Variants in VPS13A observed in about 807,000 individuals in gnomAD.
VPS13A encodes intermembrane lipid transfer protein VPS13A.
VPS13A carries 264 observed loss-of-function variants against 390.9 expected under a neutral mutation model. That is an observed-to-expected ratio of 0.68 (90% CI 0.61 to 0.75). The LOEUF (loss-of-function observed/expected upper bound fraction) is 0.75. Among genes scored for constraint, VPS13A ranks in the 30% least tolerant of loss-of-function variants. The pLI is 0.00. For synonymous variants in VPS13A, 1,231 were observed against 1,227.1 expected (o/e 1.00, Z -0.07); for missense variants, 3,409 against 3,733.9 (o/e 0.91, Z 2.27).
Position 77,275,603 on chromosome 9 carries a change from A to C in VPS13A, c.2618A>C (p.Asp873Ala), listed in dbSNP as rs757097723. ...SIRTRKLQKQ[D>A]CSVNMTTFKI... ...CGAACCAGAAAGTTACAAAAGCAGGATTGTTCAGTAAATATGACTACATTT... is the reference window on the plus strand; with the variant it reads ...CGAACCAGAAAGTTACAAAAGCAGGCTTGTTCAGTAAATATGACTACATTT... Residue 873 changes from aspartate (D) to alanine (A), a missense_variant, in exon 25 of 72, where the codon GAT becomes GCT. Around this residue, in one of 5 missense-constraint regions of VPS13A, gnomAD observed 2,717 missense variants for 2,917.4 expected, o/e 0.93. Transcript: ENST00000360280. 21 of 1,613,706 alleles carry C rather than the reference A, an allele frequency of 1.3e-5. No homozygotes were observed. Among genetic ancestry groups the C allele is most frequent in the Non-Finnish European group, 1.7e-5 (20 of 1,179,732 alleles).
rs578167487 is a variant in VPS13A at position 77,369,826 on chromosome 9, C to T, written c.8667+414C>T. Among the ~76,000 whole-genome samples the T allele has an allele frequency of 1.1e-4, 16 of 152,134 alleles. No individual in the cohort carries two copies. The East Asian group carries it at 2.1e-3, about 20-fold the overall frequency. ...TTTTCCCAAAAGACTCCTACTTCCA[C>T]GTATAAATGTATAGGGAAATAAAAA... is the stretch of plus-strand genomic sequence containing the variant. On this transcript the variant is annotated intron_variant, in intron 63 of 71. Coordinates refer to ENST00000360280, the MANE Select transcript of VPS13A (RefSeq NM_033305.3).
At chr9:77,182,003 C>G (rs1824048299) in intron 1 of VPS13A, among the ~76,000 whole-genome samples, 1 of 152,132 alleles carries the variant, frequency 6.6e-6, no homozygotes, top group African/African-American at 2.4e-5. Context: ...ATAATTCTCC[C>G]TTCCCATATA....
chr9:77,209,505 C>T lies in VPS13A; in HGVS notation c.468C>T (p.Ser156=), dbSNP rs1825854003. 1.2e-6 allele frequency: 2 copies of T among 1,605,124 alleles called. No homozygotes were observed. Among genetic ancestry groups the T allele is most frequent in the Non-Finnish European group, 1.7e-6 (2 of 1,172,762 alleles). Residue 156 remains serine (S), a synonymous_variant, in exon 6 of 72, where the codon TCC becomes TCT. Coordinates refer to ENST00000360280, the MANE Select transcript of VPS13A (RefSeq NM_033305.3). The part of the protein sequence containing the change: ...QIIKNLQVKI[S]SIHIRYEDDI... ...TAAAAAATCTTCAGGTGAAAATTTC[C>T]AGTATCCATATTCGTTATGAAGATG...
chr9:77,244,302 G>A (rs898242260), intron 19 of VPS13A, among the ~76,000 whole-genome samples: 12 of 152,002 alleles, frequency 7.9e-5, no homozygotes, highest in African/African-American at 2.9e-4. Context: ...GCGTTCCCTA[G>A]GAAGAGGTCT....
chr9:77,304,064 A>G (rs549872728), intron 34 of VPS13A, among the ~76,000 whole-genome samples: 106 of 152,218 alleles, frequency 7.0e-4, no homozygotes, highest in African/African-American at 2.5e-3. Context: ...ATTTCAGACT[A>G]TCATATGGGG....
In VPS13A at chr9:77,295,532, T is replaced by TTA; in HGVS notation, c.3508-10_3508-9insTA. 1 of 1,590,982 alleles carries TTA rather than the reference T, an allele frequency of 6.3e-7. No individual in the cohort carries two copies. The highest frequency in any genetic ancestry group is 8.6e-7 in the Non-Finnish European group (1 of 1,166,234). On this transcript the variant is annotated splice_polypyrimidine_tract_variant and intron_variant, in intron 32 of 71. Coordinates refer to ENST00000360280, the MANE Select transcript of VPS13A (RefSeq NM_033305.3). The stretch of plus-strand genomic sequence containing the variant: ...AATAACCTTAAGAATATAATTCTGT[T>TTA]ATCTTACAGGCTTTTATAGATAATT...
At chr9:77,345,318 C>G (rs1282646439) in intron 52 of VPS13A, among the ~76,000 whole-genome samples, 176 bp downstream of exon 52, 1 of 152,098 alleles carries the variant, frequency 6.6e-6, no homozygotes, top group Admixed American at 6.6e-5. Flanking sequence ...GACTTGATGT[C>G]TACAATTTAT....
intron 32 of VPS13A, 75 bp from the exon 33 acceptor site, chr9:77,295,467 A>T (rs1827929393): frequency 2.3e-6 from 3 of 1,276,770 alleles, no homozygotes; most frequent in Non-Finnish European, 3.1e-6. Flanking sequence ...TGGAGGTAAA[A>T]CCATAAATAT....
chr9:77,188,314 A>G lies in VPS13A; in HGVS notation c.100+10510A>G, dbSNP rs559226780. ...GGTATTTCTTTATAGCAACACAACA[A>G]TGGACTAACACAGTACTCAAGTTTT... On this transcript the variant is annotated intron_variant, in intron 1 of 71. Coordinates refer to ENST00000360280, the MANE Select transcript of VPS13A (RefSeq NM_033305.3). 1.1e-4 allele frequency among the ~76,000 whole-genome samples: 16 copies of G among 152,270 alleles called. 1 individual carries two copies. The highest frequency in any genetic ancestry group is 3.1e-4 in the African/African-American group (13 of 41,554).
chr9:77,393,474 C>T (rs1833983757), intron 68 of VPS13A, among the ~76,000 whole-genome samples: 1 of 152,190 alleles, frequency 6.6e-6, no homozygotes, highest in South Asian at 2.1e-4. Flanking sequence ...TTTCAATTTA[C>T]TTTGACCAGA....
chr9:77,254,345 A>G (rs372680451), intron 22 of VPS13A, among the ~76,000 whole-genome samples: 1 of 152,146 alleles, frequency 6.6e-6, no homozygotes, highest in Non-Finnish European at 1.5e-5. Context: ...AAAATCATTT[A>G]TCCATATATG....
At chr9:77,249,059 T>C (rs967473019) in intron 20 of VPS13A, among the ~76,000 whole-genome samples, 3 of 152,132 alleles carry the variant, frequency 2.0e-5, no homozygotes, top group Admixed American at 6.6e-5. Flanking sequence ...ATATAGAACA[T>C]TTCCATTATT....
chr9:77,282,365 A>T, intron 29 of VPS13A, 91 bp downstream of exon 29: 1 of 1,206,846 alleles, frequency 8.3e-7, no homozygotes, highest in South Asian at 1.4e-5. Context: ...TTAACTTCAA[A>T]TATTGGCTTC....
At chr9:77,398,244 T>C (rs969398977) in intron 68 of VPS13A, among the ~76,000 whole-genome samples, 1 of 152,120 alleles carries the variant, frequency 6.6e-6, no homozygotes, top group Non-Finnish European at 1.5e-5. Flanking sequence ...TGAGGTACCA[T>C]GAGGAAAGTA....
At chr9:77,359,548 T>C in intron 58 of VPS13A, 146 bp downstream of exon 58, 1 of 857,926 alleles carries the variant, frequency 1.2e-6, no homozygotes, top group Admixed American at 2.3e-5. Flanking sequence ...TATAATGTTG[T>C]GGCTCACGCC....
At chr9:77,329,035 T>C (rs1830154468) in intron 45 of VPS13A, among the ~76,000 whole-genome samples, 1 of 152,120 alleles carries the variant, frequency 6.6e-6, no homozygotes, top group African/African-American at 2.4e-5. Context: ...CCATCAGATC[T>C]CGTGAGAACT....
At position 77,211,729 on chromosome 9, in the gene VPS13A, T is replaced by A. The variant is rs573385203; in HGVS notation, c.555+1054T>A. 218 of 152,340 alleles carry A rather than the reference T, an allele frequency of 1.4e-3. 1 individual carries two copies. Among genetic ancestry groups the A allele is most frequent in the African/African-American group, 5.1e-3 (211 of 41,562 alleles). 9.4% of individuals were successfully genotyped at this position (152,340 alleles called of 1,614,324 possible). A position where few individuals can be genotyped will look rare whatever the true frequency, so the allele number is the denominator to read the frequency against. ...ATGTGAAGATCTTTGGTAACCGTGATAACAGTAGTTACTAATCATCACCTT... is the reference window on the plus strand; with the variant it reads ...ATGTGAAGATCTTTGGTAACCGTGAAAACAGTAGTTACTAATCATCACCTT... On this transcript the variant is annotated intron_variant, in intron 7 of 71. Transcript: ENST00000360280.
chr9:77,370,231 C>G (rs780413943), intron 63 of VPS13A, 26 bp from the exon 64 acceptor site: 4 of 1,611,778 alleles, frequency 2.5e-6, no homozygotes, highest in Non-Finnish European at 3.4e-6. Flanking sequence ...CTCACTCACT[C>G]ATTTATTTAC....
At chr9:77,254,058 C>T (rs896753785) in intron 22 of VPS13A, among the ~76,000 whole-genome samples, 4 of 150,706 alleles carry the variant, frequency 2.7e-5, no homozygotes, top group African/African-American at 7.3e-5. Flanking sequence ...ATTCTCCTGC[C>T]TCAGCCTCCC....
Sources: allele counts gnomAD v4.1 joint callset (sites outside exome capture counted in the v4.1 genomes callset), GRCh38; gene constraint gnomAD v4.1.1; regional missense constraint gnomAD v4.1.1; transcripts MANE v1.5; gene names NCBI Gene and HGNC (gene_info 2026-07-23, HGNC 2026-07-21).